NAT2: variants seen among roughly 807,000 people sequenced by gnomAD.
The protein encoded by NAT2 is arylamine N-acetyltransferase 2.
For synonymous variants in NAT2, 137 were observed against 125.9 expected (o/e 1.09, Z -0.59); for missense variants, 428 against 339.1 (o/e 1.26, Z -2.06).
intron 1 of NAT2, among the ~76,000 whole-genome samples, 161 bp downstream of exon 1, chr8:18,391,506 G>T (rs1800591069): frequency 6.6e-6 from 1 of 150,442 alleles, no homozygotes; most frequent in African/African-American, 2.4e-5. Context: ...GGAAAGGGAG[G>T]TCAGACACGC....
chr8:18,386,739 C>T (rs1800511359), upstream of NAT2, among the ~76,000 whole-genome samples: 1 of 152,108 alleles, frequency 6.6e-6, no homozygotes, highest in Non-Finnish European at 1.5e-5. Flanking sequence ...TACCAAGGTT[C>T]CTCTTCTCTG....
chr8:18,401,130 A>G lies in NAT2; in HGVS notation c.*254A>G, dbSNP rs1437622476. 1.4e-5 allele frequency: 5 copies of G among 348,728 alleles called. No homozygotes were observed. Among genetic ancestry groups the G allele is most frequent in the Non-Finnish European group, 2.7e-5 (5 of 188,344 alleles). The allele number at this position is 348,728 out of a possible 1,614,324, so 21.6% of individuals were successfully genotyped here. A position where few individuals can be genotyped will look rare whatever the true frequency, so the allele number is the denominator to read the frequency against. On this transcript the variant is annotated 3_prime_UTR_variant, in exon 2 of 2. Coordinates refer to ENST00000286479, the MANE Select transcript of NAT2 (RefSeq NM_000015.3). ...TGTGATTATCTTGGGAAGCAGAGTG[A>G]TTCATGCTAGAAAACATTTAATATT...
chr8:18,388,952 G>A (rs1800552311), upstream of NAT2, among the ~76,000 whole-genome samples: 1 of 152,156 alleles, frequency 6.6e-6, no homozygotes, highest in Non-Finnish European at 1.5e-5. Flanking sequence ...GTGGGAGGCT[G>A]TAGGGTATTC....
chr8:18,400,284 A>T lies in NAT2; in HGVS notation c.281A>T (p.Tyr94Phe), dbSNP rs555947824. 1.4e-5 allele frequency: 22 copies of T among 1,613,498 alleles called. No homozygotes were observed. The highest frequency in any genetic ancestry group is 1.8e-5 in the Non-Finnish European group (21 of 1,179,798). ...FQTTMLGGYF[Y>F]IPPVNKYSTG... Reference sequence around the variant, plus strand: ...ACCACAATGTTAGGAGGGTATTTTTACATCCCTCCAGTTAACAAATACAGC... The same window carrying T: ...ACCACAATGTTAGGAGGGTATTTTTTCATCCCTCCAGTTAACAAATACAGC... Residue 94 changes from tyrosine to phenylalanine, a missense_variant, in exon 2 of 2, where the codon TAC (tyrosine) becomes TTC (phenylalanine). By Grantham distance (22) the Tyr-to-Phe change is conservative (BLOSUM62 3). Transcript: ENST00000286479.
At chr8:18,397,514 A>C (rs1800713973) in intron 1 of NAT2, among the ~76,000 whole-genome samples, 1 of 152,152 alleles carries the variant, frequency 6.6e-6, no homozygotes, top group Admixed American at 6.6e-5. Context: ...ATCATGTTGG[A>C]AGTGGCATGT....
At chr8:18,388,259 G>C (rs1434141946), upstream of NAT2, among the ~76,000 whole-genome samples, 1 of 152,172 alleles carries the variant, frequency 6.6e-6, no homozygotes, top group Non-Finnish European at 1.5e-5. Flanking sequence ...GGCTTCATCT[G>C]TGGTCCTCTG....
chr8:18,390,204 C>T (rs561696137), upstream of NAT2, among the ~76,000 whole-genome samples: 5 of 152,308 alleles, frequency 3.3e-5, no homozygotes, highest in South Asian at 2.1e-4. Flanking sequence ...CACAGAGTCC[C>T]GAGTTCATGT....
intron 1 of NAT2, among the ~76,000 whole-genome samples, chr8:18,392,151 G>C (rs761171108): frequency 1.3e-5 from 2 of 152,208 alleles, no homozygotes; most frequent in Admixed American, 6.5e-5. Context: ...ATAGGGGAAA[G>C]GGAGTACAAA....
Position 18,400,547 on chromosome 8 carries a change from C to A in NAT2, c.544C>A (p.Pro182Thr). 1 of 1,612,128 alleles carries A rather than the reference C, an allele frequency of 6.2e-7. No individual in the cohort carries two copies. Among genetic ancestry groups the A allele is most frequent in the Non-Finnish European group, 8.5e-7 (1 of 1,179,484 alleles). ...AGAATTTCTTAATTCTCATCTCCTG[C>A]CAAAGAAGAAACACCAAAAAATATA... ...NKEFLNSHLLPKKKHQKIYLF... is the reference protein window; with the variant it reads ...NKEFLNSHLLTKKKHQKIYLF... The change falls in exon 2 of 2, where the codon CCA becomes ACA. Residue 182 changes from proline (P) to threonine (T), a missense_variant. Coordinates refer to ENST00000286479, the MANE Select transcript of NAT2 (RefSeq NM_000015.3).
intron 1 of NAT2, among the ~76,000 whole-genome samples, chr8:18,392,637 C>T (rs1800609689): frequency 6.6e-6 from 1 of 152,198 alleles, no homozygotes; most frequent in South Asian, 2.1e-4. Flanking sequence ...CTCACAGACA[C>T]ACCCAGGAAC....
intron 1 of NAT2, among the ~76,000 whole-genome samples, chr8:18,393,835 A>C (rs1244290940): frequency 6.6e-6 from 1 of 152,222 alleles, no homozygotes; most frequent in East Asian, 1.9e-4. Flanking sequence ...AAAAATAATA[A>C]AAACTGAAAA....
intron 1 of NAT2, among the ~76,000 whole-genome samples, chr8:18,395,093 A>G (rs45526135): frequency 1.3e-5 from 2 of 152,342 alleles, no homozygotes; most frequent in East Asian, 3.9e-4. Flanking sequence ...AGTCCATGCA[A>G]TTAACTCCTA....
At chr8:18,396,497 G>A (rs968600800) in intron 1 of NAT2, among the ~76,000 whole-genome samples, 1 of 152,128 alleles carries the variant, frequency 6.6e-6, no homozygotes, top group Non-Finnish European at 1.5e-5. Context: ...CAGGGTTCAA[G>A]TGATTCTCCT....
rs771698130 is a variant in NAT2 at position 18,400,589 on chromosome 8, C to G, written c.586C>G (p.Pro196Ala). The stretch of plus-strand genomic sequence containing the variant: ...AAAAATATACTTATTTACGCTTGAA[C>G]CTCGAACAATTGAAGATTTTGAGTC... ...HQKIYLFTLE[P>A]RTIEDFESMN... Residue 196 changes from proline (P) to alanine (A), a missense_variant, in exon 2 of 2, where the codon CCT (proline) becomes GCT (alanine). Physicochemically the swap from Pro to Ala is conservative, Grantham distance 27. Transcript: ENST00000286479. 1 of 1,613,330 alleles carries G rather than the reference C, an allele frequency of 6.2e-7. No homozygotes were observed.
Position 18,400,500 on chromosome 8 carries a change from G to A in NAT2, c.497G>A (p.Arg166Lys). Residue 166 changes from arginine to lysine, a missense_variant, in exon 2 of 2, where the codon AGA (arginine) becomes AAA (lysine). Physicochemically the swap from Arg to Lys is conservative, Grantham distance 26. Coordinates refer to ENST00000286479, the MANE Select transcript of NAT2 (RefSeq NM_000015.3). The part of the protein sequence containing the change: ...RGIWYLDQIR[R>K]EQYITNKEFL... ...ATCTGGTACCTGGACCAAATCAGGA[G>A]AGAGCAGTATATTACAAACAAAGAA... 1 of 1,613,826 alleles carries A rather than the reference G, an allele frequency of 6.2e-7. No individual in the cohort carries two copies.
intron 1 of NAT2, among the ~76,000 whole-genome samples, chr8:18,395,112 G>C (rs2117615481): frequency 6.6e-6 from 1 of 152,282 alleles, no homozygotes; most frequent in South Asian, 2.1e-4. Context: ...TATTCTGTTA[G>C]ATATTGGGTG....
chr8:18,397,892 C>G (rs1800720852), intron 1 of NAT2, among the ~76,000 whole-genome samples: 1 of 151,914 alleles, frequency 6.6e-6, no homozygotes, highest in South Asian at 2.1e-4. Flanking sequence ...AGGTCTAAAT[C>G]TGTTGCTATA....
At chr8:18,392,183 G>T (rs905030849) in intron 1 of NAT2, among the ~76,000 whole-genome samples, 1 of 152,198 alleles carries the variant, frequency 6.6e-6, no homozygotes, top group East Asian at 1.9e-4. Flanking sequence ...TATATACATG[G>T]TCTATTAGCC....
upstream of NAT2, chr8:18,387,804 G>C (rs1289719110): frequency 2.0e-5 from 3 of 152,912 alleles, no homozygotes; most frequent in East Asian, 3.8e-4. Context: ...ATGGGGGAAA[G>C]AGAACCATTG....
Sources: gnomAD v4.1 joint callset for allele counts (sites outside exome capture counted in the v4.1 genomes callset) on GRCh38, gnomAD v4.1.1 for gene constraint, MANE v1.5 for transcripts, NCBI Gene and HGNC (gene_info 2026-07-23, HGNC 2026-07-21) for gene names.